Variants in ADNP2 observed in about 807,000 individuals in gnomAD.
The protein encoded by ADNP2 is activity-dependent neuroprotector homeobox protein 2.
Under a neutral mutation model 16.4 loss-of-function variants are expected in ADNP2, and 8 were observed. That is an observed-to-expected ratio of 0.49 (90% CI 0.29 to 0.88). ADNP2 has a LOEUF of 0.88. Among genes scored for constraint, ADNP2 ranks in the 40% least tolerant of loss-of-function variants. The probability of loss-of-function intolerance (pLI) is 0.09; values close to 1 mark genes in which losing one functional copy is unlikely to be tolerated. For missense variants in ADNP2, 1,397 were observed against 1,395.1 expected, an observed-to-expected ratio of 1.00 and a Z score of -0.02; for synonymous variants, 637 against 545.8, an observed-to-expected ratio of 1.17 and a Z score of -2.33.
In ADNP2 at chr18:80,137,958, T is replaced by TC; in HGVS notation, c.2547dup (p.Lys850GlnfsTer15). 1 of 1,613,168 alleles carries TC rather than the reference T, an allele frequency of 6.2e-7. No individual in the cohort carries two copies. Among genetic ancestry groups the TC allele is most frequent in the Non-Finnish European group, 8.5e-7 (1 of 1,180,016 alleles). On this transcript the variant is annotated frameshift_variant, in exon 4 of 4. Coordinates refer to ENST00000262198, the MANE Select transcript of ADNP2 (RefSeq NM_014913.4). LOFTEE classifies it low-confidence loss of function (END_TRUNC). This position sits in a 1 kb window ranked among gnomAD's most constrained non-coding sequence, Gnocchi z 4.2. ...CTTGGCAATCCTGGCTGGGATACAC[T>TC]CCAAGTCACTGGTGCCTGTGTATGT...
At chr18:80,112,259 T>TA (rs1230308550) in intron 1 of ADNP2, among the ~76,000 whole-genome samples, 1 of 152,216 alleles carries the variant, frequency 6.6e-6, no homozygotes, top group East Asian at 1.9e-4. Context: ...AATTATGCTA[T>TA]AAGAATGGAT....
chr18:80,113,194 CTTAAAATTTTATAAAGAAAATTTTTAAAT>C (rs2052368320), intron 1 of ADNP2, among the ~76,000 whole-genome samples: 1 of 152,150 alleles, frequency 6.6e-6, no homozygotes, highest in African/African-American at 2.4e-5. Flanking sequence ...AATTTTTAAA[CTTAAAATTTTATAAAGAAAATTTTTAAAT>C]TTTTATCCTC....
chr18:80,127,339 GTT>G (rs35560770), intron 2 of ADNP2, among the ~76,000 whole-genome samples: 3 of 102,176 alleles, frequency 2.9e-5, no homozygotes, highest in East Asian at 2.9e-4. Flanking sequence ...GGTTTTTTCA[GTT>G]TTTTTTTTTT....
At chr18:80,128,284 A>G (rs1157035575) in intron 2 of ADNP2, among the ~76,000 whole-genome samples, 1 of 152,224 alleles carries the variant, frequency 6.6e-6, no homozygotes, top group East Asian at 1.9e-4. Context: ...TGGAATCAGA[A>G]TAAAGGACCT....
rs1374965032 is a variant in ADNP2, at chr18:80,138,109, A to G, written c.2696A>G (p.His899Arg). 6.2e-7 allele frequency: 1 copy of G among 1,614,030 alleles called. No homozygotes were observed. Among genetic ancestry groups the G allele is most frequent in the Admixed American group, 1.7e-5 (1 of 60,024 alleles). The change falls in exon 4 of 4, where the codon CAC becomes CGC. Residue 899 changes from histidine to arginine, a missense_variant. By Grantham distance (29) the His-to-Arg change is conservative (BLOSUM62 0). This residue lies in a region of ADNP2 where 611 missense variants were observed against 648.7 expected (regional missense o/e 0.94). Transcript: ENST00000262198. Reference protein sequence around the residue: ...AYELHLKERHHIMPTVHTVLK... With the variant: ...AYELHLKERHRIMPTVHTVLK... ...GAGCTGCATTTGAAGGAGAGGCACC[A>G]CATCATGCCCACAGTCCACACGGTC...
In ADNP2 at chr18:80,138,829, A is replaced by AC; in HGVS notation, c.*20_*21insC. On this transcript the variant is annotated 3_prime_UTR_variant, in exon 4 of 4. Coordinates refer to ENST00000262198, the MANE Select transcript of ADNP2 (RefSeq NM_014913.4). ...CCATAAAACTTGCAAAAAAAAAAAA[A>AC]AGTAACTCTAAAGTAGTAGGTAGAT... 1 of 1,478,632 alleles carries AC rather than the reference A, an allele frequency of 6.8e-7. No homozygotes were observed. The highest frequency in any genetic ancestry group is 1.4e-5 in the South Asian group (1 of 70,840). The allele number at this position is 1,478,632 out of a possible 1,614,324, so 91.6% of individuals were successfully genotyped here. A position where few individuals can be genotyped will look rare whatever the true frequency, so the allele number is the denominator to read the frequency against.
rs2052568610 is a variant in ADNP2 at position 80,139,719 on chromosome 18, T to C, written c.*910T>C. ...AGGGAAGGTCTATGATACTCAGGAA[T>C]AAGATTATTGCCCCTGAGTGTGAAA... On this transcript the variant is annotated 3_prime_UTR_variant, in exon 4 of 4. Coordinates refer to ENST00000262198, the MANE Select transcript of ADNP2 (RefSeq NM_014913.4). 2 of 152,538 alleles carry C rather than the reference T, an allele frequency of 1.3e-5. No homozygotes were observed. Among genetic ancestry groups the C allele is most frequent in the Non-Finnish European group, 2.9e-5 (2 of 68,026 alleles). 9.4% of individuals were successfully genotyped at this position (152,538 alleles called of 1,614,324 possible). A position where few individuals can be genotyped will look rare whatever the true frequency, so the allele number is the denominator to read the frequency against.
chr18:80,122,536 G>A (rs1189817001), intron 2 of ADNP2, among the ~76,000 whole-genome samples: 1 of 152,098 alleles, frequency 6.6e-6, no homozygotes, highest in Non-Finnish European at 1.5e-5. Context: ...ATTGTGTAAG[G>A]CTTTCACTTC....
At position 80,137,495 on chromosome 18, in the gene ADNP2, G is replaced by A. The variant is rs763413300; in HGVS notation, c.2082G>A (p.Lys694=). 6.2e-7 allele frequency: 1 copy of A among 1,614,226 alleles called. No individual in the cohort carries two copies. Residue 694 remains lysine, a synonymous_variant, in exon 4 of 4, where the codon AAG becomes AAA. Coordinates refer to ENST00000262198, the MANE Select transcript of ADNP2 (RefSeq NM_014913.4). The surrounding 1 kb of genome is among the most constrained non-coding windows in gnomAD (Gnocchi z 4.2). ...NQVLKQAKQW[K]TCPVCNELFP... ...TGCTCAAACAGGCCAAGCAGTGGAA[G>A]ACCTGCCCTGTCTGCAACGAGCTCT... is the stretch of plus-strand genomic sequence containing the variant.
intron 1 of ADNP2, among the ~76,000 whole-genome samples, chr18:80,115,868 C>G (rs1180374287): frequency 6.6e-6 from 1 of 152,110 alleles, no homozygotes; most frequent in Non-Finnish European, 1.5e-5. Flanking sequence ...CTCTGTCTCC[C>G]AGGGTCAAGC....
In ADNP2 at chr18:80,138,305, CAGT is replaced by C; in HGVS notation, c.2893_2895del (p.Ser965del). The stretch of plus-strand genomic sequence containing the variant: ...TTCACAACAGTGAACTGCTTTTAGT[CAGT>C]GGTGAAGTGATGCATGATTCCAGTT... On this transcript the variant is annotated inframe_deletion, in exon 4 of 4. Transcript: ENST00000262198. The C allele has an allele frequency of 6.2e-7, 1 of 1,614,098 alleles. No individual in the cohort carries two copies.
At chr18:80,123,507 A>G (rs1304717009) in intron 2 of ADNP2, among the ~76,000 whole-genome samples, 15 of 151,672 alleles carry the variant, frequency 9.9e-5, no homozygotes. Flanking sequence ...AGTAGCTGAG[A>G]TTCAGGCATG....
At chr18:80,122,560 A>G (rs2052431622) in intron 2 of ADNP2, among the ~76,000 whole-genome samples, 1 of 152,212 alleles carries the variant, frequency 6.6e-6, no homozygotes, top group Non-Finnish European at 1.5e-5. Context: ...GGTTAAATTC[A>G]TACAATAAAC....
chr18:80,124,796 A>C lies in ADNP2; in HGVS notation c.108+7146A>C, dbSNP rs564203447. ...ATCTCATTAGCACACAAAAAGACAA[A>C]AATTAACATAACTCTTAATTCTAGA... On this transcript the variant is annotated intron_variant, in intron 2 of 3. Coordinates refer to ENST00000262198, the MANE Select transcript of ADNP2 (RefSeq NM_014913.4). Among the ~76,000 whole-genome samples, 155 of 152,252 alleles carry C rather than the reference A, an allele frequency of 1.0e-3. 1 individual carries two copies. In the South Asian group the frequency reaches 0.024, roughly 24 times the overall value.
chr18:80,131,031 A>G (rs2052492784), intron 2 of ADNP2, among the ~76,000 whole-genome samples: 1 of 152,092 alleles, frequency 6.6e-6, no homozygotes, highest in South Asian at 2.1e-4. Context: ...GGAGCTTGTA[A>G]TTGTTTTGTC....
intron 2 of ADNP2, among the ~76,000 whole-genome samples, chr18:80,122,836 A>G (rs996789935): frequency 2.0e-5 from 3 of 152,248 alleles, no homozygotes; most frequent in Non-Finnish European, 4.4e-5. Flanking sequence ...TAGAACGTCC[A>G]GTATAATATC....
chr18:80,127,021 A>G (rs2052463552), intron 2 of ADNP2, among the ~76,000 whole-genome samples: 1 of 152,242 alleles, frequency 6.6e-6, no homozygotes. Context: ...GGGTGAGCAC[A>G]GGATGTAAGA....
intron 2 of ADNP2, among the ~76,000 whole-genome samples, chr18:80,121,900 A>G (rs28878223): frequency 0.18 from 27,471 of 151,166 alleles, 2,755 homozygotes; most frequent in Middle Eastern, 0.26. Flanking sequence ...CTATATGTCT[A>G]TCCTTATAAC....
In ADNP2 at chr18:80,138,890, T is replaced by G; in HGVS notation, c.*81T>G. The G allele has an allele frequency of 7.8e-7, 1 of 1,288,110 alleles. No homozygotes were observed. The highest frequency in any genetic ancestry group is 1.0e-6 in the Non-Finnish European group (1 of 969,972). The allele number at this position is 1,288,110 out of a possible 1,614,324, so 79.8% of individuals were successfully genotyped here. On this transcript the variant is annotated 3_prime_UTR_variant, in exon 4 of 4. Coordinates refer to ENST00000262198, the MANE Select transcript of ADNP2 (RefSeq NM_014913.4). ...TGAAATTTCACAGTGTTGTCCTCAC[T>G]GTGTTGGTGAATCAACCTCAGTGGT...
Sources: allele counts gnomAD v4.1 joint callset (sites outside exome capture counted in the v4.1 genomes callset), GRCh38; gene constraint gnomAD v4.1.1; regional missense constraint gnomAD v4.1.1; non-coding constraint Gnocchi (gnomAD v3.1); transcripts MANE v1.5; gene names NCBI Gene and HGNC (gene_info 2026-07-23, HGNC 2026-07-21).